Variants in CNTNAP5 observed in about 807,000 individuals in gnomAD.
CNTNAP5 encodes contactin associated protein family member 5.
Under a neutral mutation model 150.2 loss-of-function variants are expected in CNTNAP5, and 72 were observed. The ratio of observed to expected loss-of-function variants is 0.48; its 90% CI spans 0.40 to 0.58. CNTNAP5 has a LOEUF of 0.58. Among genes scored for constraint, CNTNAP5 ranks in the 20% least tolerant of loss-of-function variants. The pLI, the probability that CNTNAP5 is intolerant of heterozygous loss-of-function variation, is 0.00. For missense variants in CNTNAP5, 1,636 were observed against 1,626.2 expected, an observed-to-expected ratio of 1.01 and a Z score of -0.10; for synonymous variants, 672 against 619.8, an observed-to-expected ratio of 1.08 and a Z score of -1.25.
At chr2:124,116,461 C>T (rs1683431141) in intron 1 of CNTNAP5, among the ~76,000 whole-genome samples, 1 of 152,168 alleles carries the variant, frequency 6.6e-6, no homozygotes, top group African/African-American at 2.4e-5. Context: ...AGCAGCTGGA[C>T]ATCCATAGTT....
At chr2:124,462,599 G>C (rs1344156844) in intron 6 of CNTNAP5, among the ~76,000 whole-genome samples, 1 of 152,148 alleles carries the variant, frequency 6.6e-6, no homozygotes, top group African/African-American at 2.4e-5. Context: ...GTTTTAATTA[G>C]TGTGCTACTT....
chr2:124,467,965 G>T (rs1243123925), intron 6 of CNTNAP5, among the ~76,000 whole-genome samples: 2 of 152,096 alleles, frequency 1.3e-5, no homozygotes, highest in Non-Finnish European at 2.9e-5. Context: ...ATGTTGTGAC[G>T]TTCTCTCTGT....
At chr2:124,217,727 T>C (rs1686195047) in intron 1 of CNTNAP5, among the ~76,000 whole-genome samples, 1 of 152,230 alleles carries the variant, frequency 6.6e-6, no homozygotes, top group African/African-American at 2.4e-5. Flanking sequence ...ATCATTAAAA[T>C]ATTTGCTCTC....
intron 5 of CNTNAP5, among the ~76,000 whole-genome samples, chr2:124,442,020 C>T (rs1692686850): frequency 6.6e-6 from 1 of 152,068 alleles, no homozygotes; most frequent in Middle Eastern, 3.2e-3. Flanking sequence ...TTTATGGTTT[C>T]ATTAGATGGA....
chr2:124,645,376 G>T (rs1333915199), intron 12 of CNTNAP5, among the ~76,000 whole-genome samples: 11 of 152,142 alleles, frequency 7.2e-5, no homozygotes. Flanking sequence ...AGACCAGCCT[G>T]GGCAATATAA....
chr2:124,240,160 T>G (rs6755536), intron 2 of CNTNAP5, among the ~76,000 whole-genome samples: 31,290 of 152,136 alleles, frequency 0.21, 3,308 homozygotes, highest in East Asian at 0.25. Context: ...TTTATTCAAG[T>G]AGACAAAATT....
intron 1 of CNTNAP5, among the ~76,000 whole-genome samples, chr2:124,053,635 T>C (rs1327351624): frequency 6.6e-6 from 1 of 152,136 alleles, no homozygotes; most frequent in East Asian, 1.9e-4. Context: ...ACTTTGAGAG[T>C]TAAATGGCAT....
At chr2:124,652,129 A>G (rs1678336616) in intron 13 of CNTNAP5, among the ~76,000 whole-genome samples, 1 of 152,198 alleles carries the variant, frequency 6.6e-6, no homozygotes, top group African/African-American at 2.4e-5. Context: ...GTGCCAACCA[A>G]TGGAATGCAT....
At chr2:124,101,332 A>T (rs1683056702) in intron 1 of CNTNAP5, among the ~76,000 whole-genome samples, 1 of 152,096 alleles carries the variant, frequency 6.6e-6, no homozygotes, top group Admixed American at 6.6e-5. Context: ...TAAGTAGAAG[A>T]CCTCAGACTC....
chr2:124,316,496 T>A (rs775084090), intron 3 of CNTNAP5, among the ~76,000 whole-genome samples: 1 of 152,100 alleles, frequency 6.6e-6, no homozygotes, highest in Non-Finnish European at 1.5e-5. Context: ...ATTTGTGATA[T>A]CTGCAGTGTG....
chr2:124,336,394 T>C (rs1186869604), intron 3 of CNTNAP5, among the ~76,000 whole-genome samples: 3 of 152,016 alleles, frequency 2.0e-5, no homozygotes, highest in Non-Finnish European at 4.4e-5. Flanking sequence ...TTCATTATAC[T>C]TTAAGTTTTA....
intron 17 of CNTNAP5, among the ~76,000 whole-genome samples, chr2:124,782,462 T>C (rs749085730): frequency 2.0e-5 from 3 of 152,178 alleles, no homozygotes; most frequent in African/African-American, 4.8e-5. Flanking sequence ...CCTTAAACAG[T>C]AGGAAAGATC....
intron 1 of CNTNAP5, among the ~76,000 whole-genome samples, chr2:124,123,482 G>A (rs934247426): frequency 3.3e-5 from 5 of 152,182 alleles, no homozygotes; most frequent in African/African-American, 1.2e-4. Flanking sequence ...TGGGGACAGG[G>A]CATAGTTGAA....
intron 16 of CNTNAP5, among the ~76,000 whole-genome samples, chr2:124,767,513 T>C (rs938311417): frequency 6.6e-6 from 1 of 152,198 alleles, no homozygotes; most frequent in Admixed American, 6.5e-5. Flanking sequence ...TGAGAGTCAG[T>C]CTGGCATAGT....
chr2:124,148,978 A>T (rs1369345249), intron 1 of CNTNAP5, among the ~76,000 whole-genome samples: 1 of 152,162 alleles, frequency 6.6e-6, no homozygotes, highest in African/African-American at 2.4e-5. Flanking sequence ...ATATACATGT[A>T]TGTGCATATA....
chr2:124,123,280 C>T (rs183850479), intron 1 of CNTNAP5, among the ~76,000 whole-genome samples: 218 of 152,286 alleles, frequency 1.4e-3, no homozygotes, highest in African/African-American at 4.4e-3. Context: ...GAGGGTCCCA[C>T]GCCCACGGAG....
chr2:124,431,889 G>A lies in CNTNAP5; in HGVS notation c.530-2595G>A, dbSNP rs116703496. On this transcript the variant is annotated intron_variant, in intron 4 of 23. Transcript: ENST00000682447. ...CCAGTCAGACACCTGGTGAGTAGTA[G>A]AGCTGCTCTATAGAGGGCTCCTCTC... Among the ~76,000 whole-genome samples the A allele has an allele frequency of 3.1e-3, 474 of 152,120 alleles. 4 individuals are homozygous for A. Among genetic ancestry groups the A allele is most frequent in the African/African-American group, 0.01 (427 of 41,498 alleles).
intron 12 of CNTNAP5, among the ~76,000 whole-genome samples, chr2:124,619,513 C>A (rs980638618): frequency 3.3e-5 from 5 of 152,060 alleles, no homozygotes; most frequent in African/African-American, 1.2e-4. Context: ...TTGGCTGGAA[C>A]ATGGTACCTA....
intron 14 of CNTNAP5, among the ~76,000 whole-genome samples, chr2:124,755,074 T>G (rs1680811138): frequency 6.6e-6 from 1 of 152,086 alleles, no homozygotes; most frequent in African/African-American, 2.4e-5. Context: ...AAAGCAGGTT[T>G]TTTTTTTCTT....
Sources: allele counts gnomAD v4.1 joint callset (sites outside exome capture counted in the v4.1 genomes callset), GRCh38; gene constraint gnomAD v4.1.1; transcripts MANE v1.5; gene names NCBI Gene and HGNC (gene_info 2026-07-23, HGNC 2026-07-21).